Variants in NFIA observed in about 807,000 individuals in gnomAD.
NFIA encodes nuclear factor 1 A-type.
NFIA carries 8 observed loss-of-function variants against 62.8 expected under a neutral mutation model. That is an observed-to-expected ratio of 0.13 (90% CI 0.07 to 0.23). NFIA has a LOEUF of 0.23. Among genes scored for constraint, NFIA ranks in the 10% least tolerant of loss-of-function variants. The pLI is 1.00. For missense variants in NFIA, 410 were observed against 642.1 expected, an observed-to-expected ratio of 0.64 and a Z score of 3.91; for synonymous variants, 235 against 238.1, an observed-to-expected ratio of 0.99 and a Z score of 0.12.
chr1:61,091,816 G>A (rs1166816563), intron 2 of NFIA, among the ~76,000 whole-genome samples: 1 of 151,534 alleles, frequency 6.6e-6, no homozygotes, highest in East Asian at 1.9e-4. Context: ...TTCATTAGTA[G>A]GCACTCAACC....
intron 6 of NFIA, among the ~76,000 whole-genome samples, chr1:61,381,457 A>G (rs1270400796): frequency 1.3e-5 from 2 of 152,190 alleles, no homozygotes; most frequent in Non-Finnish European, 2.9e-5. Context: ...CAAGCAACAA[A>G]TATAACTAAA....
intron 2 of NFIA, among the ~76,000 whole-genome samples, chr1:61,149,369 T>A (rs1222151347): frequency 6.6e-6 from 1 of 152,230 alleles, no homozygotes; most frequent in African/African-American, 2.4e-5. Context: ...CTACTACACT[T>A]CTTTTGGCCT....
chr1:61,264,653 C>CAAAAA (rs1165980251), intron 2 of NFIA, among the ~76,000 whole-genome samples: 3 of 60,742 alleles, frequency 4.9e-5, no homozygotes, highest in Non-Finnish European at 6.7e-5. Flanking sequence ...CTCCACCTTA[C>CAAAAA]AAAAAAAAAA....
chr1:61,169,799 T>G (rs17121764), intron 2 of NFIA, among the ~76,000 whole-genome samples: 2,522 of 152,294 alleles, frequency 0.017, 71 homozygotes, highest in East Asian at 0.13. Context: ...TGGTGTTCTC[T>G]GTGAATCCTG....
At chr1:61,131,539 C>T (rs917204414) in intron 2 of NFIA, among the ~76,000 whole-genome samples, 3 of 152,086 alleles carry the variant, frequency 2.0e-5, no homozygotes, top group African/African-American at 7.2e-5. Context: ...GCATGCTTGA[C>T]ACCTTTCCTT....
In NFIA at chr1:61,434,326, C is replaced by T. The variant is rs540441563; in HGVS notation, c.1512+7770C>T. ...CAACACCTCGCAGAGATGAGTTACT[C>T]ATGCAATCTGCTTCCCCTCCCTCCA... On this transcript the variant is annotated intron_variant, in intron 10 of 10. Transcript: ENST00000403491. 5.9e-5 allele frequency among the ~76,000 whole-genome samples: 9 copies of T among 152,274 alleles called. No homozygotes were observed. In the South Asian group the frequency reaches 1.9e-3, roughly 32 times the overall value.
chr1:61,082,536 A>T (rs1487158347), upstream of NFIA: 2 of 1,409,424 alleles, frequency 1.4e-6, no homozygotes, highest in Non-Finnish European at 1.9e-6. Context: ...AGGCATGTAT[A>T]GTGGAGTGTA....
rs1316302952 is a variant in NFIA, at chr1:61,359,215, G to T, written c.887G>T (p.Gly296Val). ...CCTGGTGAGGAGCCATTTTATACAG[G>T]CCAAGGGCGCTCCCCAGGAAGTGGC... ...DSPGEEPFYT[G>V]QGRSPGSGSQ... Residue 296 changes from glycine to valine, a missense_variant, in exon 6 of 11, where the codon GGC becomes GTC. This residue lies in a region of NFIA where 298 missense variants were observed against 438.1 expected (regional missense o/e 0.68). Transcript: ENST00000403491. The T allele has an allele frequency of 1.2e-6, 2 of 1,612,916 alleles. No individual in the cohort carries two copies. Among genetic ancestry groups the T allele is most frequent in the African/African-American group, 2.7e-5 (2 of 74,896 alleles).
chr1:61,087,740 T>C (rs1411434279), intron 1 of NFIA, among the ~76,000 whole-genome samples: 2 of 152,200 alleles, frequency 1.3e-5, no homozygotes, highest in African/African-American at 4.8e-5. Flanking sequence ...GGGCCCTGGC[T>C]GTACTACAAG....
intron 2 of NFIA, among the ~76,000 whole-genome samples, chr1:61,184,027 G>A (rs1037449691): frequency 6.7e-6 from 1 of 149,330 alleles, no homozygotes; most frequent in Non-Finnish European, 1.5e-5. Flanking sequence ...GACAGTGCCT[G>A]AGTGTATGCC....
intron 2 of NFIA, among the ~76,000 whole-genome samples, chr1:61,102,828 C>T (rs2100439150): frequency 6.6e-6 from 1 of 152,228 alleles, no homozygotes; most frequent in African/African-American, 2.4e-5. Flanking sequence ...TCTCCAATTG[C>T]ATACTCCTGC....
chr1:61,137,294 A>G (rs1216401065), intron 2 of NFIA, among the ~76,000 whole-genome samples: 1 of 152,176 alleles, frequency 6.6e-6, no homozygotes, highest in Non-Finnish European at 1.5e-5. Flanking sequence ...CAACTCCACA[A>G]GGTAGTTATT....
intron 3 of NFIA, among the ~76,000 whole-genome samples, chr1:61,291,577 CTG>C (rs1658884073): frequency 6.6e-6 from 1 of 152,160 alleles, no homozygotes; most frequent in Admixed American, 6.5e-5. Context: ...GACAAGGAAA[CTG>C]AGGCTTGGAA....
In NFIA at chr1:61,416,208, T is replaced by C. The variant is rs561089698; in HGVS notation, c.1420+9481T>C. Among the ~76,000 whole-genome samples, 7 of 152,282 alleles carry C rather than the reference T, an allele frequency of 4.6e-5. No individual in the cohort carries two copies. The Middle Eastern group carries it at 0.024, about 518-fold the overall frequency. On this transcript the variant is annotated intron_variant, in intron 9 of 10. Transcript: ENST00000403491. ...GGTGCCTTATCCAGTGAGAAAGATATTGCTAAGTTTTCAGTCCTCCTTTTA... is the reference window on the plus strand; with the variant it reads ...GGTGCCTTATCCAGTGAGAAAGATACTGCTAAGTTTTCAGTCCTCCTTTTA...
intron 2 of NFIA, among the ~76,000 whole-genome samples, chr1:61,138,706 A>G (rs1245431771): frequency 6.6e-6 from 1 of 151,736 alleles, no homozygotes; most frequent in Non-Finnish European, 1.5e-5. Flanking sequence ...CAGCCTCCCA[A>G]GTAGCTGGGA....
At chr1:61,226,366 A>ACAT (rs1654331210) in intron 2 of NFIA, among the ~76,000 whole-genome samples, 2 of 152,210 alleles carry the variant, frequency 1.3e-5, no homozygotes, top group Admixed American at 1.3e-4. Flanking sequence ...ATTTCATAAT[A>ACAT]TTCCTTTACA....
chr1:61,326,549 G>A (rs1022917541), intron 3 of NFIA, among the ~76,000 whole-genome samples: 9 of 152,198 alleles, frequency 5.9e-5, no homozygotes, highest in Non-Finnish European at 1.3e-4. Flanking sequence ...ACCCCATCAG[G>A]CAGTGTGTCA....
At chr1:61,092,049 G>A (rs2100420756) in intron 2 of NFIA, among the ~76,000 whole-genome samples, 1 of 152,268 alleles carries the variant, frequency 6.6e-6, no homozygotes, top group South Asian at 2.1e-4. Context: ...CTGCCATGGG[G>A]TAGAATAAAA....
intron 2 of NFIA, among the ~76,000 whole-genome samples, chr1:61,152,216 G>A (rs1020525977): frequency 1.6e-4 from 25 of 152,094 alleles, no homozygotes; most frequent in African/African-American, 5.3e-4. Flanking sequence ...GAGATTAATC[G>A]CCTGCCCAAA....
Sources: allele counts gnomAD v4.1 joint callset (sites outside exome capture counted in the v4.1 genomes callset), GRCh38; gene constraint gnomAD v4.1.1; regional missense constraint gnomAD v4.1.1; transcripts MANE v1.5; gene names NCBI Gene and HGNC (gene_info 2026-07-23, HGNC 2026-07-21).